The following NFIB variants were observed in gnomAD, a reference collection of about 807,000 sequenced individuals.
NFIB encodes the protein nuclear factor I B, also known as nuclear factor 1 B-type.
NFIB carries 11 observed loss-of-function variants against 61.5 expected under a neutral mutation model. The ratio of observed to expected loss-of-function variants is 0.18; its 90% confidence interval spans 0.11 to 0.30. The LOEUF is 0.30. Among genes scored for constraint, NFIB ranks in the 10% least tolerant of loss-of-function variants. NFIB has a pLI of 1.00. For missense variants in NFIB, 471 were observed against 608.9 expected, an observed-to-expected ratio of 0.77 and a Z score of 2.38; for synonymous variants, 260 against 216.5, an observed-to-expected ratio of 1.20 and a Z score of -1.76.
At chr9:14,492,124 A>G in the NFIB span, among the ~76,000 whole-genome samples, 127 of 152,178 alleles carry the variant, frequency 8.3e-4, no homozygotes, top group African/African-American at 2.9e-3. Context: ...AGCACTTTGG[A>G]AGGCCAAGGC....
chr9:14,388,589 C>T (rs538546568), intron 1 of NFIB, among the ~76,000 whole-genome samples: 20 of 151,860 alleles, frequency 1.3e-4, no homozygotes, highest in African/African-American at 4.3e-4. Flanking sequence ...TGTACAAAAC[C>T]TTAAAACCAT....
chr9:14,367,207 G>A (rs186302291), intron 1 of NFIB, among the ~76,000 whole-genome samples: 79 of 152,236 alleles, frequency 5.2e-4, no homozygotes, highest in African/African-American at 1.8e-3. Flanking sequence ...TTCAAGGAGT[G>A]TCAGGTCTAC....
the NFIB span, among the ~76,000 whole-genome samples, chr9:14,438,382 A>G: frequency 6.6e-6 from 1 of 152,166 alleles, no homozygotes; most frequent in African/African-American, 2.4e-5. Flanking sequence ...AAAATCGTTG[A>G]TCCTGAGAGA....
intron 1 of NFIB, among the ~76,000 whole-genome samples, chr9:14,347,974 G>C (rs567654257): frequency 7.2e-5 from 11 of 152,268 alleles, no homozygotes; most frequent in African/African-American, 2.6e-4. Context: ...ACGTGCGCTC[G>C]CGGTCCTTGG....
At chr9:14,229,989 G>C (rs2052918515) in intron 2 of NFIB, among the ~76,000 whole-genome samples, 1 of 152,144 alleles carries the variant, frequency 6.6e-6, no homozygotes, top group African/African-American at 2.4e-5. Context: ...TTTTAGTAGA[G>C]ACAGGGTTTC....
chr9:14,250,397 C>G (rs187594103), intron 2 of NFIB, among the ~76,000 whole-genome samples: 1 of 152,190 alleles, frequency 6.6e-6, no homozygotes, highest in African/African-American at 2.4e-5. Context: ...AAGGGAAGAT[C>G]AAAGAGGAGG....
rs142045109 is a variant in NFIB at position 14,210,423 on chromosome 9, A to C, written c.563-30643T>G. The stretch of plus-strand genomic sequence containing the variant: ...TTTAAAAATAACGAAAAATGAACTT[A>C]AAAAGTGATTAAAACCCTTGAGTTT... On this transcript the variant is annotated intron_variant, in intron 2 of 10. Coordinates refer to ENST00000380953, the MANE Select transcript of NFIB (RefSeq NM_001190737.2). Among the ~76,000 whole-genome samples, 21 of 152,298 alleles carry C rather than the reference A, an allele frequency of 1.4e-4. No homozygotes were observed. The Middle Eastern group carries it at 0.01, about 74-fold the overall frequency.
At chr9:14,242,719 A>G (rs1190062276) in intron 2 of NFIB, among the ~76,000 whole-genome samples, 2 of 152,168 alleles carry the variant, frequency 1.3e-5, no homozygotes, top group Non-Finnish European at 1.5e-5. Flanking sequence ...ATGATCAACA[A>G]AGCAATTATT....
intron 3 of NFIB, among the ~76,000 whole-genome samples, chr9:14,172,080 T>C (rs1002966901): frequency 6.6e-5 from 10 of 152,264 alleles, no homozygotes; most frequent in Admixed American, 4.6e-4. Flanking sequence ...TTCAGGAATA[T>C]GGAAGCAAGA....
chr9:14,126,478 C>T (rs1408627429), intron 6 of NFIB, among the ~76,000 whole-genome samples: 2 of 152,212 alleles, frequency 1.3e-5, no homozygotes, highest in Admixed American at 6.5e-5. Flanking sequence ...GGACAGATAT[C>T]GTCTCAGTCT....
At chr9:14,226,289 T>C (rs1179197672) in intron 2 of NFIB, among the ~76,000 whole-genome samples, 4 of 152,136 alleles carry the variant, frequency 2.6e-5, no homozygotes, top group Non-Finnish European at 4.4e-5. Flanking sequence ...GGCTGACCCC[T>C]ATAATCTCAG....
At chr9:14,446,633 T>C in the NFIB span, among the ~76,000 whole-genome samples, 3 of 152,118 alleles carry the variant, frequency 2.0e-5, no homozygotes, top group Admixed American at 6.6e-5. Context: ...TTGAAAACAG[T>C]ATAATCATAC....
intron 2 of NFIB, among the ~76,000 whole-genome samples, chr9:14,214,391 G>T (rs757437553): frequency 2.0e-5 from 3 of 152,168 alleles, no homozygotes; most frequent in Non-Finnish European, 2.9e-5. Context: ...CTTAATTTTT[G>T]AACAAGAGGC....
chr9:14,192,394 C>T (rs937928642), intron 2 of NFIB, among the ~76,000 whole-genome samples: 2 of 152,126 alleles, frequency 1.3e-5, no homozygotes, highest in African/African-American at 4.8e-5. Context: ...CAAACAATTG[C>T]TTTGAATCTT....
intron 1 of NFIB, among the ~76,000 whole-genome samples, chr9:14,368,152 ATT>A (rs996495823): frequency 2.5e-3 from 20 of 8,080 alleles, no homozygotes; most frequent in African/African-American, 0.015. Flanking sequence ...GTAAAGTAAG[ATT>A]AAAAAAAAAA....
In NFIB at chr9:14,368,687, A is replaced by C. The variant is rs532196977; in HGVS notation, c.108+29837T>G. On this transcript the variant is annotated intron_variant, in intron 1 of 8. Coordinates refer to the NFIB transcript ENST00000380934. ...TTGATTATCTTCATGTTAATATGCC[A>C]TATTATCTCAATTTAACTGGCATCT... is the stretch of plus-strand genomic sequence containing the variant. Among the ~76,000 whole-genome samples the C allele has an allele frequency of 2.6e-5, 4 of 152,300 alleles. No homozygotes were observed. The South Asian group carries it at 8.3e-4, about 32-fold the overall frequency.
chr9:14,489,469 T>C, the NFIB span, among the ~76,000 whole-genome samples: 24 of 152,218 alleles, frequency 1.6e-4, no homozygotes, highest in Non-Finnish European at 3.1e-4. Context: ...AGACCACAAA[T>C]TGTCTATCTT....
chr9:14,194,121 T>G (rs2048236419), intron 2 of NFIB, among the ~76,000 whole-genome samples: 1 of 152,254 alleles, frequency 6.6e-6, no homozygotes, highest in Non-Finnish European at 1.5e-5. Context: ...TTTTAGTCAA[T>G]CTATGCCACA....
chr9:14,349,996 T>A (rs1295909257), intron 1 of NFIB, among the ~76,000 whole-genome samples: 1 of 152,158 alleles, frequency 6.6e-6, no homozygotes. Flanking sequence ...CCATGATCTC[T>A]CCCTGCCTGG....
Sources: gnomAD v4.1 joint callset for allele counts (sites outside exome capture counted in the v4.1 genomes callset) on GRCh38, gnomAD v4.1.1 for gene constraint, MANE v1.5 for transcripts, NCBI Gene and HGNC (gene_info 2026-07-23, HGNC 2026-07-21) for gene names.